Variants in POU6F2 observed in about 807,000 individuals in gnomAD.
POU6F2 encodes the protein POU domain, class 6, transcription factor 2.
In POU6F2, 31 loss-of-function variants were observed where a neutral mutation model predicts 71.3. That is an observed-to-expected ratio of 0.43 (90% confidence interval 0.33 to 0.59). POU6F2 has a LOEUF of 0.59. Ranked by LOEUF, POU6F2 falls within the 20% of genes least tolerant of loss-of-function variation. The pLI is 0.04. For missense variants in POU6F2, 783 were observed against 856.8 expected, an observed-to-expected ratio of 0.91 and a Z score of 1.07; for synonymous variants, 347 against 355.7, an observed-to-expected ratio of 0.98 and a Z score of 0.27.
At chr7:39,055,919 A>G (rs1241657123) in intron 1 of POU6F2, among the ~76,000 whole-genome samples, 1 of 151,986 alleles carries the variant, frequency 6.6e-6, no homozygotes, top group Non-Finnish European at 1.5e-5. Flanking sequence ...TTATTAAAGC[A>G]TACTTTATTA....
intron 4 of POU6F2, among the ~76,000 whole-genome samples, chr7:39,255,232 T>C (rs572730515): frequency 1.3e-5 from 2 of 152,328 alleles, no homozygotes; most frequent in East Asian, 1.9e-4. Context: ...ATGATAAACA[T>C]TTACTGTTGT....
Position 39,023,338 on chromosome 7 carries a change from A to C in POU6F2, c.105+45280A>C, listed in dbSNP as rs368446149. Among the ~76,000 whole-genome samples, 13 of 152,108 alleles carry C rather than the reference A, an allele frequency of 8.5e-5. No homozygotes were observed. The East Asian group carries it at 1.4e-3, about 16-fold the overall frequency. Reference sequence around the variant, plus strand: ...AAAAGAAGAAATTTTAATTTTGATAACATTCATATGCTATATTTTTCTTTT... The same window carrying C: ...AAAAGAAGAAATTTTAATTTTGATACCATTCATATGCTATATTTTTCTTTT... On this transcript the variant is annotated intron_variant, in intron 1 of 9. Transcript: ENST00000518318.
At chr7:39,104,904 A>T (rs1383701237) in intron 2 of POU6F2, among the ~76,000 whole-genome samples, 1 of 152,230 alleles carries the variant, frequency 6.6e-6, no homozygotes, top group Non-Finnish European at 1.5e-5. Flanking sequence ...TAAATGGGAG[A>T]TAATGTCTGC....
intron 7 of POU6F2, among the ~76,000 whole-genome samples, chr7:39,435,376 G>A (rs565078401): frequency 2.0e-5 from 3 of 152,194 alleles, no homozygotes; most frequent in Non-Finnish European, 4.4e-5. Context: ...GCATTTCTCT[G>A]ATGATCTGTG....
At chr7:39,456,295 G>T (rs995986372) in intron 8 of POU6F2, among the ~76,000 whole-genome samples, 4 of 152,176 alleles carry the variant, frequency 2.6e-5, no homozygotes, top group Non-Finnish European at 5.9e-5. Flanking sequence ...CAGAAAGCCA[G>T]ATTGAACTAT....
chr7:39,040,091 TTA>T (rs1491414056), intron 1 of POU6F2, among the ~76,000 whole-genome samples: 1 of 26,098 alleles, frequency 3.8e-5, no homozygotes, highest in Non-Finnish European at 7.4e-5. Context: ...TATATATGTA[TTA>T]TATATATGTA....
intron 2 of POU6F2, among the ~76,000 whole-genome samples, chr7:39,173,365 T>C (rs1793263600): frequency 6.6e-6 from 1 of 152,216 alleles, no homozygotes; most frequent in South Asian, 2.1e-4. Context: ...GCAAGTTACT[T>C]AACTTTTCTA....
At chr7:39,198,770 G>T (rs1014751648) in intron 2 of POU6F2, among the ~76,000 whole-genome samples, 4 of 152,276 alleles carry the variant, frequency 2.6e-5, no homozygotes, top group South Asian at 2.1e-4. Context: ...ATAAAAAGTG[G>T]CAAACAGTGG....
Position 39,465,877 on chromosome 7 carries a change from G to A in POU6F2, c.*1191G>A, listed in dbSNP as rs1446370799. ...CATCTATGTTATGCTTCTGTGCAAA[G>A]CAATTTCTCTCAGAAGTCTGATAGC... On this transcript the variant is annotated 3_prime_UTR_variant, in exon 10 of 10. Transcript: ENST00000518318. 1 of 152,180 alleles carries A rather than the reference G, an allele frequency of 6.6e-6. No individual in the cohort carries two copies. Among genetic ancestry groups the A allele is most frequent in the Non-Finnish European group, 1.5e-5 (1 of 68,036 alleles). 9.4% of individuals were successfully genotyped at this position (152,180 alleles called of 1,614,324 possible).
rs536654846 is a variant in POU6F2 at position 39,065,102 on chromosome 7, A to G, written c.106-20758A>G. Among the ~76,000 whole-genome samples the G allele has an allele frequency of 3.3e-5, 5 of 151,932 alleles. No individual in the cohort carries two copies. In the South Asian group the frequency reaches 1.0e-3, roughly 31 times the overall value. On this transcript the variant is annotated intron_variant, in intron 1 of 9. Transcript: ENST00000518318. The stretch of plus-strand genomic sequence containing the variant: ...TTAGGCTCCCTTATAAACATAGAAG[A>G]TACTTTGATCTTACGTATCTGTAGA...
At chr7:39,232,776 G>T (rs1794598929) in intron 4 of POU6F2, among the ~76,000 whole-genome samples, 1 of 152,154 alleles carries the variant, frequency 6.6e-6, no homozygotes, top group Non-Finnish European at 1.5e-5. Flanking sequence ...AGTAGTTATG[G>T]CCCATGTCGT....
chr7:39,164,766 A>G (rs1793076699), intron 2 of POU6F2, among the ~76,000 whole-genome samples: 2 of 152,018 alleles, frequency 1.3e-5, no homozygotes, highest in African/African-American at 4.8e-5. Context: ...GCTAAAGTCT[A>G]ATACTCCTGT....
chr7:39,150,022 A>T (rs1158057512), intron 2 of POU6F2, among the ~76,000 whole-genome samples: 1 of 151,832 alleles, frequency 6.6e-6, no homozygotes, highest in Non-Finnish European at 1.5e-5. Flanking sequence ...AGTAGCTGGG[A>T]CTACAGGGGC....
intron 6 of POU6F2, among the ~76,000 whole-genome samples, chr7:39,429,571 T>C (rs577834392): frequency 3.8e-4 from 58 of 152,286 alleles, no homozygotes; most frequent in Non-Finnish European, 6.0e-4. Context: ...GACACAGTGT[T>C]TACAGAGAGA....
In POU6F2 at chr7:39,464,411, G is replaced by A. The variant is rs775692137; in HGVS notation, c.1888G>A (p.Gly630Arg). The part of the protein sequence containing the change: ...AGMQNLTEFI[G>R]SEPSKKRKRR... ...TATGCAGAACCTGACCGAGTTTATC[G>A]GGAGTGAACCATCCAAAAAGCGCAA... The change falls in exon 10 of 10, where the codon GGG becomes AGG. Residue 630 changes from glycine (G) to arginine (R), a missense_variant. By Grantham distance (125) the Gly-to-Arg change is moderately radical. This residue lies in a region of POU6F2 where 211 missense variants were observed against 283.9 expected (regional missense o/e 0.74). Coordinates refer to ENST00000518318, the MANE Select transcript of POU6F2 (RefSeq NM_001370959.1). This position sits in a 1 kb window ranked among gnomAD's most constrained non-coding sequence, Gnocchi z 4.1. 3.0e-5 allele frequency: 48 copies of A among 1,613,984 alleles called. No homozygotes were observed. The highest frequency in any genetic ancestry group is 4.5e-5 in the East Asian group (2 of 44,882).
At chr7:39,390,211 C>T (rs1174280955) in intron 5 of POU6F2, among the ~76,000 whole-genome samples, 3 of 152,096 alleles carry the variant, frequency 2.0e-5, no homozygotes, top group Non-Finnish European at 2.9e-5. Context: ...GCCTGGAAAA[C>T]GTGATGAAAC....
intron 5 of POU6F2, among the ~76,000 whole-genome samples, chr7:39,381,731 AG>A (rs1562809522): frequency 6.6e-6 from 1 of 152,164 alleles, no homozygotes; most frequent in Non-Finnish European, 1.5e-5. Context: ...GCATGATTGC[AG>A]GGGACAATGC....
At chr7:39,068,209 A>AC (rs920818281) in intron 1 of POU6F2, among the ~76,000 whole-genome samples, 17 of 152,164 alleles carry the variant, frequency 1.1e-4, no homozygotes, top group Non-Finnish European at 2.4e-4. Flanking sequence ...GCCACTAAAA[A>AC]ACACACACAA....
chr7:39,337,411 A>T (rs1268475993), intron 4 of POU6F2, among the ~76,000 whole-genome samples: 5 of 152,230 alleles, frequency 3.3e-5, no homozygotes, highest in Non-Finnish European at 5.9e-5. Flanking sequence ...GGAAACCATC[A>T]TAAAAGGGAA....
Sources: gnomAD v4.1 joint callset for allele counts (sites outside exome capture counted in the v4.1 genomes callset) on GRCh38, gnomAD v4.1.1 for gene constraint, gnomAD v4.1.1 regional missense constraint, Gnocchi (gnomAD v3.1) non-coding constraint, MANE v1.5 for transcripts, NCBI Gene and HGNC (gene_info 2026-07-23, HGNC 2026-07-21) for gene names.